The following BCAR3 variants were observed in gnomAD, a reference collection of about 807,000 sequenced individuals.
The protein encoded by BCAR3 is breast cancer anti-estrogen resistance protein 3.
BCAR3 carries 37 observed loss-of-function variants against 80.1 expected under a neutral mutation model. The ratio of observed to expected loss-of-function variants is 0.46; its 90% CI spans 0.36 to 0.61. BCAR3 has a LOEUF of 0.61. BCAR3 is among the 20% of genes least tolerant of loss of function. BCAR3 has a pLI of 0.00. For synonymous variants in BCAR3, 389 were observed against 418.9 expected (o/e 0.93, Z 0.87); for missense variants, 978 against 1,068.2 (o/e 0.92, Z 1.18).
intron 2 of BCAR3, among the ~76,000 whole-genome samples, chr1:93,844,471 T>C (rs917469876): frequency 6.6e-6 from 1 of 152,232 alleles, no homozygotes; most frequent in South Asian, 2.1e-4. Flanking sequence ...CTTTCTCACT[T>C]GCGGGAATTC....
At chr1:93,833,400 C>G (rs1453345968) in intron 2 of BCAR3, among the ~76,000 whole-genome samples, 3 of 152,164 alleles carry the variant, frequency 2.0e-5, no homozygotes, top group Non-Finnish European at 4.4e-5. Flanking sequence ...AACATCTTAA[C>G]AGGAAACAGG....
intron 2 of BCAR3, among the ~76,000 whole-genome samples, chr1:93,840,560 C>T (rs886846578): frequency 1.3e-5 from 2 of 152,114 alleles, no homozygotes; most frequent in Non-Finnish European, 2.9e-5. Context: ...AGAAGTCATC[C>T]TACTAGTTTG....
chr1:93,778,519 A>G (rs1043449655), intron 2 of BCAR3, among the ~76,000 whole-genome samples: 1 of 152,006 alleles, frequency 6.6e-6, no homozygotes, highest in Non-Finnish European at 1.5e-5. Flanking sequence ...AAAATCATGG[A>G]GTCCTTTTTT....
intron 3 of BCAR3, among the ~76,000 whole-genome samples, chr1:93,611,474 G>GA (rs1386621803): frequency 6.6e-6 from 1 of 151,984 alleles, no homozygotes; most frequent in Non-Finnish European, 1.5e-5. Context: ...TTTTCCCCCA[G>GA]AAAAAAGATC....
intron 2 of BCAR3, among the ~76,000 whole-genome samples, chr1:93,735,281 C>A (rs1233583969): frequency 6.6e-6 from 1 of 152,216 alleles, no homozygotes; most frequent in Non-Finnish European, 1.5e-5. Flanking sequence ...CATGTGGAAC[C>A]ACATTCCAAA....
chr1:93,623,867 A>ATGAAC (rs1470717477), intron 3 of BCAR3, among the ~76,000 whole-genome samples: 1 of 152,238 alleles, frequency 6.6e-6, no homozygotes, highest in Non-Finnish European at 1.5e-5. Flanking sequence ...AGGAGCCAAC[A>ATGAAC]TGAACTGATG....
intron 3 of BCAR3, among the ~76,000 whole-genome samples, chr1:93,601,723 A>T (rs1368048949): frequency 6.6e-6 from 1 of 152,220 alleles, no homozygotes; most frequent in Non-Finnish European, 1.5e-5. Context: ...TTCCATGATC[A>T]AGCCTGGCAA....
At chr1:93,694,747 C>T (rs1328300742) in intron 3 of BCAR3, among the ~76,000 whole-genome samples, 1 of 152,198 alleles carries the variant, frequency 6.6e-6, no homozygotes, top group Non-Finnish European at 1.5e-5. Flanking sequence ...CCCATGTGTC[C>T]TTATGATCAA....
At chr1:93,788,647 A>G (rs1653032947) in intron 2 of BCAR3, among the ~76,000 whole-genome samples, 1 of 152,192 alleles carries the variant, frequency 6.6e-6, no homozygotes, top group South Asian at 2.1e-4. Flanking sequence ...CCCCGATCCC[A>G]TTGGCTTGTA....
chr1:93,800,529 T>C (rs1164245668), intron 2 of BCAR3, among the ~76,000 whole-genome samples: 4 of 152,110 alleles, frequency 2.6e-5, no homozygotes, highest in African/African-American at 9.7e-5. Context: ...TGAGCTGAGA[T>C]TGTGCCACTG....
intron 2 of BCAR3, among the ~76,000 whole-genome samples, chr1:93,778,356 A>C (rs1652647224): frequency 6.6e-6 from 1 of 152,208 alleles, no homozygotes; most frequent in East Asian, 1.9e-4. Context: ...GAATTTTTAC[A>C]ATTTTAAAAA....
chr1:93,748,992 T>G (rs1037806505), intron 2 of BCAR3, among the ~76,000 whole-genome samples: 9 of 152,216 alleles, frequency 5.9e-5, no homozygotes, highest in African/African-American at 1.7e-4. Flanking sequence ...TGTGCCAGTT[T>G]AGTTTTAAAA....
At chr1:93,641,916 T>C (rs936124815) in intron 3 of BCAR3, among the ~76,000 whole-genome samples, 1 of 152,220 alleles carries the variant, frequency 6.6e-6, no homozygotes, top group Admixed American at 6.5e-5. Flanking sequence ...CACAAAATCA[T>C]TTGTCATCTA....
At chr1:93,764,985 C>G (rs1271338487) in intron 2 of BCAR3, among the ~76,000 whole-genome samples, 2 of 152,160 alleles carry the variant, frequency 1.3e-5, no homozygotes, top group Non-Finnish European at 2.9e-5. Context: ...GCTCTTACGC[C>G]AGGCAGCCCT....
At chr1:93,645,019 G>A (rs1676111259) in intron 2 of BCAR3, among the ~76,000 whole-genome samples, 1 of 152,184 alleles carries the variant, frequency 6.6e-6, no homozygotes, top group Non-Finnish European at 1.5e-5. Context: ...AAACTGAACT[G>A]TTGTTTTCAT....
intron 2 of BCAR3, among the ~76,000 whole-genome samples, chr1:93,799,512 C>T (rs1327207498): frequency 6.6e-6 from 1 of 152,156 alleles, no homozygotes; most frequent in Non-Finnish European, 1.5e-5. Flanking sequence ...GCAAAAATTC[C>T]AGTTACTTTA....
chr1:93,681,049 TGTCA>T (rs1648735049), intron 1 of BCAR3: 1 of 152,234 alleles, frequency 6.6e-6, no homozygotes. Flanking sequence ...AGGGAGATGT[TGTCA>T]ACAGTTACAG....
intron 2 of BCAR3, among the ~76,000 whole-genome samples, chr1:93,727,246 T>G (rs938303409): frequency 6.6e-6 from 1 of 152,200 alleles, no homozygotes; most frequent in Non-Finnish European, 1.5e-5. Context: ...TGGAACCACA[T>G]AAGCCCCTTA....
At chr1:93,669,095 T>C (rs1442086219) in intron 2 of BCAR3, among the ~76,000 whole-genome samples, 2 of 152,152 alleles carry the variant, frequency 1.3e-5, no homozygotes, top group African/African-American at 2.4e-5. Flanking sequence ...ACAGCAGACA[T>C]GCCTGGGTAT....
Sources: allele counts gnomAD v4.1 joint callset (sites outside exome capture counted in the v4.1 genomes callset), GRCh38; gene constraint gnomAD v4.1.1; transcripts MANE v1.5; gene names NCBI Gene and HGNC (gene_info 2026-07-23, HGNC 2026-07-21).